Variants in AGAP6 observed in about 807,000 individuals in gnomAD.
AGAP6 encodes the protein arf-GAP with GTPase, ANK repeat and PH domain-containing protein 6.
A neutral mutation model predicts 63.9 loss-of-function variants in AGAP6; 29 were observed. That is an observed-to-expected ratio of 0.45 (90% CI 0.34 to 0.62). The LOEUF is 0.62. AGAP6 is among the 20% of genes least tolerant of loss of function. AGAP6 has a pLI of 0.01. For missense variants in AGAP6, 493 were observed against 884.9 expected, an observed-to-expected ratio of 0.56 and a Z score of 5.62; for synonymous variants, 199 against 332.9, an observed-to-expected ratio of 0.60 and a Z score of 4.38.
At position 50,009,312 on chromosome 10, in the gene AGAP6, A is replaced by C; in HGVS notation, c.1187A>C (p.His396Pro). 1 of 1,614,112 alleles carries C rather than the reference A, an allele frequency of 6.2e-7. No individual in the cohort carries two copies. The highest frequency in any genetic ancestry group is 8.5e-7 in the Non-Finnish European group (1 of 1,180,028). The change falls in exon 8 of 8, where the codon CAT becomes CCT. Residue 396 changes from histidine (H) to proline (P), a missense_variant. Physicochemically the swap from His to Pro is moderately conservative, Grantham distance 77 (BLOSUM62 -2). This residue lies in a region of AGAP6 where 342 missense variants were observed against 533.4 expected (regional missense o/e 0.64). Transcript: ENST00000412531. Reference protein sequence around the residue: ...SPKLNPPPSPHANKKKHLKKK... With the variant: ...SPKLNPPPSPPANKKKHLKKK... ...AAGCTCAACCCGCCCCCCTCTCCTC[A>C]TGCTAATAAAAAGAAACACCTAAAG... is the stretch of plus-strand genomic sequence containing the variant.
At position 49,988,928 on chromosome 10, in the gene AGAP6, G is replaced by A; in HGVS notation, c.213G>A (p.Glu71=). The change falls in exon 1 of 8, where the codon GAG becomes GAA. Residue 71 remains glutamate (E), a synonymous_variant. Coordinates refer to ENST00000412531, the MANE Select transcript of AGAP6 (RefSeq NM_001077665.3). ...DLHMHHVRDR[E]MPEALEFNLS... ...ACATGCACCACGTTCGTGACCGGGA[G>A]ATGCCTGAAGGTGAGGAGGTGATAG... 6.2e-7 allele frequency: 1 copy of A among 1,601,032 alleles called. No homozygotes were observed. Among genetic ancestry groups the A allele is most frequent in the South Asian group, 1.1e-5 (1 of 90,962 alleles).
intron 2 of AGAP6, among the ~76,000 whole-genome samples, chr10:49,991,037 C>T (rs1345595699): frequency 2.6e-5 from 4 of 152,012 alleles, no homozygotes; most frequent in Non-Finnish European, 5.9e-5. Context: ...TCTTTATTGT[C>T]ATTCTTTAGG....
In AGAP6 at chr10:50,008,036, G is replaced by C; in HGVS notation, c.545G>C (p.Arg182Thr). ...PHHITQRDAD[R>T]TLSIPDEQLH... The stretch of plus-strand genomic sequence containing the variant: ...TTCTTATTTTATAGAGATGCAGATA[G>C]AACTTTGAGCATACCTGATGAACAG... The change falls in exon 7 of 8, where the codon AGA becomes ACA. Residue 182 changes from arginine to threonine, a missense_variant. By Grantham distance (71) the Arg-to-Thr change is moderately conservative. Around this residue, in one of 7 missense-constraint regions of AGAP6, gnomAD observed 342 missense variants for 533.4 expected, o/e 0.64. Coordinates refer to ENST00000412531, the MANE Select transcript of AGAP6 (RefSeq NM_001077665.3). 1 of 1,611,910 alleles carries C rather than the reference G, an allele frequency of 6.2e-7. No homozygotes were observed. Among genetic ancestry groups the C allele is most frequent in the Non-Finnish European group, 8.5e-7 (1 of 1,179,838 alleles).
upstream of AGAP6, chr10:49,988,402 C>T (rs1198472455): frequency 2.3e-5 from 30 of 1,316,148 alleles, no homozygotes; most frequent in Non-Finnish European, 2.9e-5. Context: ...GGAGGAACTC[C>T]GTCTGTTCTC....
chr10:50,007,050 A>G (rs1391313244), intron 6 of AGAP6, among the ~76,000 whole-genome samples: 1 of 151,332 alleles, frequency 6.6e-6, no homozygotes, highest in South Asian at 2.1e-4. Flanking sequence ...TACTTTCACA[A>G]ATTTTTAAAA....
At chr10:49,990,509 A>G (rs1352353968) in intron 2 of AGAP6, among the ~76,000 whole-genome samples, 1 of 152,220 alleles carries the variant, frequency 6.6e-6, no homozygotes, top group African/African-American at 2.4e-5. Context: ...GAGGCAGGGG[A>G]TGGGAGCCGG....
At chr10:49,996,011 C>A (rs1214984832) in intron 4 of AGAP6, among the ~76,000 whole-genome samples, 2 of 152,024 alleles carry the variant, frequency 1.3e-5, no homozygotes, top group South Asian at 4.1e-4. Context: ...GGCTACTAAA[C>A]CTGCAGACTA....
chr10:50,002,140 A>T (rs782790851), intron 5 of AGAP6, 44 bp downstream of exon 5: 2 of 1,565,842 alleles, frequency 1.3e-6, no homozygotes, highest in Admixed American at 3.5e-5. Flanking sequence ...CTTTATTCTA[A>T]AATTATTTCA....
Position 50,008,008 on chromosome 10 carries a change from G to A in AGAP6, c.534-17G>A, listed in dbSNP as rs183111383. Reference sequence around the variant, plus strand: ...ATATTAACAGTTTTTGAAGTAATGCGCTTTCTTATTTTATAGAGATGCAGA... The same window carrying A: ...ATATTAACAGTTTTTGAAGTAATGCACTTTCTTATTTTATAGAGATGCAGA... On this transcript the variant is annotated splice_polypyrimidine_tract_variant and intron_variant, in intron 6 of 7. Transcript: ENST00000412531. The A allele has an allele frequency of 8.1e-3, 13,052 of 1,611,710 alleles. 567 individuals carry two copies. In the African/African-American group the frequency reaches 0.11, roughly 14 times the overall value.
At chr10:49,997,429 T>C (rs1391773110) in intron 4 of AGAP6, among the ~76,000 whole-genome samples, 1 of 152,124 alleles carries the variant, frequency 6.6e-6, no homozygotes, top group Non-Finnish European at 1.5e-5. Flanking sequence ...GCTCAGGAGT[T>C]TGAGGCTGCA....
intron 3 of AGAP6, among the ~76,000 whole-genome samples, chr10:49,993,947 G>T (rs1268029955): frequency 3.3e-5 from 5 of 152,082 alleles, no homozygotes; most frequent in Admixed American, 1.3e-4. Flanking sequence ...ATGCTTACAG[G>T]GATTCTGTTG....
rs782170231 is a variant in AGAP6 at position 50,009,661 on chromosome 10, C to A, written c.1536C>A (p.His512Gln). Residue 512 changes from histidine (H) to glutamine (Q), a missense_variant, in exon 8 of 8, where the codon CAC becomes CAA. Around this residue, in one of 7 missense-constraint regions of AGAP6, gnomAD observed 87 missense variants for 92.9 expected, o/e 0.94. Transcript: ENST00000412531. ...GTATCCACCGCAGTCTTGGCCCCCA[C>A]CTTTCCCGTGTGCGATCTCTGGAGC... ...CSGIHRSLGP[H>Q]LSRVRSLELD... 2.2e-5 allele frequency: 36 copies of A among 1,614,110 alleles called. No homozygotes were observed. The highest frequency in any genetic ancestry group is 9.3e-6 in the Non-Finnish European group (11 of 1,180,054).
At chr10:49,993,593 G>A (rs1554861489) in intron 3 of AGAP6, among the ~76,000 whole-genome samples, 1 of 152,108 alleles carries the variant, frequency 6.6e-6, no homozygotes, top group Non-Finnish European at 1.5e-5. Flanking sequence ...TGAGGTGGGT[G>A]GATCACGAGG....
intron 3 of AGAP6, among the ~76,000 whole-genome samples, chr10:49,992,421 C>G (rs1841318584): frequency 2.0e-5 from 3 of 152,254 alleles, no homozygotes; most frequent in Middle Eastern, 6.8e-3. Context: ...AGTGAGGGTT[C>G]TATAATAATG....
chr10:50,005,646 C>T (rs1362400835), intron 6 of AGAP6, among the ~76,000 whole-genome samples: 2 of 151,748 alleles, frequency 1.3e-5, no homozygotes, highest in African/African-American at 2.4e-5. Flanking sequence ...GCTGGTGGGG[C>T]GCAGTGGTTC....
intron 6 of AGAP6, among the ~76,000 whole-genome samples, 191 bp from the exon 7 acceptor site, chr10:50,007,834 G>A (rs566929409): frequency 4.6e-5 from 7 of 152,232 alleles, no homozygotes; most frequent in Non-Finnish European, 7.4e-5. Context: ...AAGACTTCAC[G>A]ATACAGGCCA....
chr10:49,999,095 G>A (rs537344628), intron 4 of AGAP6, among the ~76,000 whole-genome samples: 7 of 136,544 alleles, frequency 5.1e-5, no homozygotes, highest in South Asian at 2.5e-4. Context: ...AAAGTTAGCC[G>A]GGTGTGGTGG....
intron 4 of AGAP6, among the ~76,000 whole-genome samples, chr10:49,998,946 G>T (rs1554862544): frequency 7.1e-6 from 1 of 141,606 alleles, no homozygotes; most frequent in Admixed American, 7.8e-5. Context: ...AGGCACGGTG[G>T]CTCACACCTG....
Position 50,009,557 on chromosome 10 carries a change from C to T in AGAP6, c.1432C>T (p.His478Tyr), listed in dbSNP as rs1429551300. ...QSIQNMRGNA[H>Y]CVDCETQNPK... Reference sequence around the variant, plus strand: ...GATCCAAAACATGCGTGGGAACGCCCACTGTGTGGACTGTGAGACCCAGAA... The same window carrying T: ...GATCCAAAACATGCGTGGGAACGCCTACTGTGTGGACTGTGAGACCCAGAA... Residue 478 changes from histidine (H) to tyrosine (Y), a missense_variant, in exon 8 of 8, where the codon CAC becomes TAC. This residue lies in a region of AGAP6 where 14 missense variants were observed against 28.6 expected (regional missense o/e 0.49). Coordinates refer to ENST00000412531, the MANE Select transcript of AGAP6 (RefSeq NM_001077665.3). The T allele has an allele frequency of 2.5e-6, 4 of 1,613,860 alleles. 1 individual carries two copies. In the Admixed American group the frequency reaches 5.0e-5, roughly 20 times the overall value.
Sources: gnomAD v4.1 joint callset for allele counts (sites outside exome capture counted in the v4.1 genomes callset) on GRCh38, gnomAD v4.1.1 for gene constraint, gnomAD v4.1.1 regional missense constraint, MANE v1.5 for transcripts, NCBI Gene and HGNC (gene_info 2026-07-23, HGNC 2026-07-21) for gene names.